OLFM2: variants seen among roughly 807,000 people sequenced by gnomAD.
The protein encoded by OLFM2 is noelin-2.
A neutral mutation model predicts 43.9 loss-of-function variants in OLFM2; 20 were observed. That is an observed-to-expected ratio of 0.46 (90% CI 0.32 to 0.66). The LOEUF is 0.66. OLFM2 is among the 30% of genes least tolerant of loss of function. OLFM2 has a pLI of 0.04. For synonymous variants in OLFM2, 268 were observed against 278.6 expected (o/e 0.96, Z 0.38); for missense variants, 416 against 643.6 (o/e 0.65, Z 3.83).
intron 1 of OLFM2, among the ~76,000 whole-genome samples, chr19:9,915,239 CT>C (rs34756498): frequency 0.018 from 2,572 of 139,604 alleles, 49 homozygotes; most frequent in African/African-American, 0.048. Flanking sequence ...TTTTCTCTCT[CT>C]TTTTTTTTTT....
At chr19:9,874,235 T>C (rs78997638) in intron 1 of OLFM2, among the ~76,000 whole-genome samples, 4 of 152,314 alleles carry the variant, frequency 2.6e-5, no homozygotes, top group Non-Finnish European at 5.9e-5. Context: ...GTCTTTAGAC[T>C]TATCTGGTCT....
intron 1 of OLFM2, among the ~76,000 whole-genome samples, chr19:9,891,450 T>C (rs10415932): frequency 0.52 from 78,727 of 150,614 alleles, 20,999 homozygotes; most frequent in Admixed American, 0.61. Flanking sequence ...CATGGTGAAA[T>C]CCTGTCTCTA....
chr19:9,888,453 G>GT (rs907120614), intron 1 of OLFM2, among the ~76,000 whole-genome samples: 5 of 150,494 alleles, frequency 3.3e-5, no homozygotes, highest in Admixed American at 6.7e-5. Context: ...GAGCCTGGGG[G>GT]GCGGAGGTTG....
chr19:9,882,334 C>A (rs1383275883), intron 1 of OLFM2, among the ~76,000 whole-genome samples: 5 of 147,388 alleles, frequency 3.4e-5, no homozygotes, highest in Non-Finnish European at 7.5e-5. Flanking sequence ...GTCAGGAGAT[C>A]GAGACCATCC....
At chr19:9,897,698 A>G (rs1276920584) in intron 1 of OLFM2, among the ~76,000 whole-genome samples, 1 of 151,948 alleles carries the variant, frequency 6.6e-6, no homozygotes, top group African/African-American at 2.4e-5. Context: ...CCAGGTGGGG[A>G]ATAATAATTC....
chr19:9,888,662 C>T (rs1016885273), intron 1 of OLFM2, among the ~76,000 whole-genome samples: 9 of 152,208 alleles, frequency 5.9e-5, no homozygotes, highest in Non-Finnish European at 1.2e-4. Flanking sequence ...TATCTTTCTT[C>T]CCCTCCAGAA....
chr19:9,867,432 G>A (rs978581693), intron 1 of OLFM2, among the ~76,000 whole-genome samples: 2 of 152,150 alleles, frequency 1.3e-5, no homozygotes, highest in Non-Finnish European at 2.9e-5. Flanking sequence ...GGGGACGGAG[G>A]CATTGCTACA....
intron 1 of OLFM2, among the ~76,000 whole-genome samples, chr19:9,908,244 C>A (rs778494094): frequency 7.9e-5 from 12 of 152,074 alleles, no homozygotes; most frequent in Non-Finnish European, 1.6e-4. Flanking sequence ...CATGCTTTAG[C>A]CTCCTGAGTA....
intron 1 of OLFM2, among the ~76,000 whole-genome samples, chr19:9,868,695 C>T (rs961931341): frequency 6.6e-6 from 1 of 152,122 alleles, no homozygotes; most frequent in Non-Finnish European, 1.5e-5. Flanking sequence ...AATCCCAACA[C>T]TTTGGGAAGC....
chr19:9,866,497 CTTT>C (rs35368530), intron 1 of OLFM2, among the ~76,000 whole-genome samples: 2,711 of 125,530 alleles, frequency 0.022, 84 homozygotes, highest in African/African-American at 0.078. Flanking sequence ...AGCCAACCCA[CTTT>C]TTTTTTTTTT....
At chr19:9,896,208 C>A (rs1418786260) in intron 1 of OLFM2, among the ~76,000 whole-genome samples, 3 of 144,548 alleles carry the variant, frequency 2.1e-5, no homozygotes, top group Non-Finnish European at 3.0e-5. Context: ...TCATGCCATT[C>A]TCCTGCCTCA....
intron 1 of OLFM2, among the ~76,000 whole-genome samples, chr19:9,873,849 CTA>C (rs1271522038): frequency 8.8e-6 from 1 of 114,168 alleles, no homozygotes; most frequent in Non-Finnish European, 1.7e-5. Flanking sequence ...CAGGATCTCA[CTA>C]TGTTTCCCAA....
At chr19:9,913,641 G>C (rs1478619279) in intron 1 of OLFM2, 12 of 1,257,772 alleles carry the variant, frequency 9.5e-6, no homozygotes, top group Non-Finnish European at 1.2e-5. Context: ...CATGCCCCGC[G>C]GCCGCCCGCC....
chr19:9,897,900 C>CTT (rs959313462), intron 1 of OLFM2, among the ~76,000 whole-genome samples: 1 of 151,624 alleles, frequency 6.6e-6, no homozygotes, highest in African/African-American at 2.4e-5. Context: ...TTCTCCTTGT[C>CTT]TTTTATTTTA....
intron 1 of OLFM2, among the ~76,000 whole-genome samples, chr19:9,869,354 A>G (rs1316943225): frequency 6.6e-6 from 1 of 152,166 alleles, no homozygotes; most frequent in Non-Finnish European, 1.5e-5. Context: ...GGGATGGTAG[A>G]GTAGGGCCAA....
In OLFM2 at chr19:9,857,290, G is replaced by A. The variant is rs748745658; in HGVS notation, c.553C>T (p.Arg185Trp). The change falls in exon 4 of 6, where the codon CGG becomes TGG. Residue 185 changes from arginine (R) to tryptophan (W), a missense_variant. Arg to Trp is a moderately radical substitution (Grantham distance 101). Coordinates refer to ENST00000264833, the MANE Select transcript of OLFM2 (RefSeq NM_058164.4). The surrounding 1 kb of genome is among the most constrained non-coding windows in gnomAD (Gnocchi z 5.7). ...AGCTTCTGGGCGCAGGCGTGGAGCCGGGCCTCCAGGGCCATCACCCGTTGC... is the reference window on the plus strand; with the variant it reads ...AGCTTCTGGGCGCAGGCGTGGAGCCAGGCCTCCAGGGCCATCACCCGTTGC... ...LQQRVMALEA[R>W]LHACAQKLGC... 3.7e-6 allele frequency: 6 copies of A among 1,614,056 alleles called. No individual in the cohort carries two copies. The highest frequency in any genetic ancestry group is 2.2e-5 in the East Asian group (1 of 44,882).
At chr19:9,913,866 C>A (rs964646610) in intron 1 of OLFM2, 2 of 179,820 alleles carry the variant, frequency 1.1e-5, no homozygotes, top group Non-Finnish European at 2.1e-5. Flanking sequence ...CCCGCGCCTC[C>A]GCGCCGGGCA....
intron 1 of OLFM2, among the ~76,000 whole-genome samples, chr19:9,885,104 C>T (rs889124): frequency 0.8 from 121,932 of 152,126 alleles, 49,527 homozygotes; most frequent in Non-Finnish European, 0.86. Context: ...CTTCAAAACC[C>T]GGCTTCTCTT....
At chr19:9,907,010 C>T (rs182272457) in intron 1 of OLFM2, among the ~76,000 whole-genome samples, 2 of 151,584 alleles carry the variant, frequency 1.3e-5, no homozygotes, top group Non-Finnish European at 1.5e-5. Flanking sequence ...GAGTGGCAGC[C>T]GGGGAGGGGG....
Sources: gnomAD v4.1 joint callset for allele counts (sites outside exome capture counted in the v4.1 genomes callset) on GRCh38, gnomAD v4.1.1 for gene constraint, Gnocchi (gnomAD v3.1) non-coding constraint, MANE v1.5 for transcripts, NCBI Gene and HGNC (gene_info 2026-07-23, HGNC 2026-07-21) for gene names.